Variants in RNF19A observed in about 807,000 individuals in gnomAD.
RNF19A encodes the protein ring finger protein 19A, RBR E3 ubiquitin protein ligase.
RNF19A carries 32 observed loss-of-function variants against 75.7 expected under a neutral mutation model. The ratio of observed to expected loss-of-function variants is 0.42; its 90% CI spans 0.32 to 0.57. The LOEUF is 0.57. Ranked by LOEUF, RNF19A falls within the 20% of genes least tolerant of loss-of-function variation. The probability of loss-of-function intolerance (pLI) is 0.10; values close to 1 mark genes in which losing one functional copy is unlikely to be tolerated. For missense variants in RNF19A, 782 were observed against 1,036.3 expected (o/e 0.75, Z 3.37); for synonymous variants, 335 against 345.2 (o/e 0.97, Z 0.33).
At chr8:100,310,209 T>C, upstream of RNF19A, 2 of 985,154 alleles carry the variant, frequency 2.0e-6, no homozygotes, top group South Asian at 9.4e-5. Flanking sequence ...CGTCATGGCG[T>C]CACGCCCACC....
In RNF19A at chr8:100,333,004, T is replaced by C. The variant is rs1300787472; in HGVS notation, c.-243+3104A>G. Among the ~76,000 whole-genome samples the C allele has an allele frequency of 1.3e-5, 2 of 152,228 alleles. No homozygotes were observed. The highest frequency in any genetic ancestry group is 2.9e-5 in the Non-Finnish European group (2 of 68,030). ...TACATTTGCCAAGAACATGACAACT[T>C]TGACTCTTTTCTCTTTTTCACCCTC... On this transcript the variant is annotated intron_variant, in intron 1 of 3. Transcript: ENST00000519527. The surrounding 1 kb of genome is among the most constrained non-coding windows in gnomAD (Gnocchi z 4.7).
intron 1 of RNF19A, among the ~76,000 whole-genome samples, 189 bp downstream of exon 1, chr8:100,309,677 AG>A (rs1822220460): frequency 6.6e-6 from 1 of 152,092 alleles, no homozygotes; most frequent in African/African-American, 2.4e-5. Flanking sequence ...TGACCCCCTA[AG>A]CCGGCCACGG....
chr8:100,313,525 C>CG (rs1380199943), upstream of RNF19A, among the ~76,000 whole-genome samples: 12 of 37,366 alleles, frequency 3.2e-4, no homozygotes, highest in Non-Finnish European at 5.9e-4. Flanking sequence ...GGCCAGGGGA[C>CG]GGGGGGTGGT....
chr8:100,282,812 T>A (rs182259773), intron 2 of RNF19A, among the ~76,000 whole-genome samples: 160 of 152,294 alleles, frequency 1.1e-3, no homozygotes, highest in African/African-American at 3.2e-3. Flanking sequence ...TAAAAATACA[T>A]GTTATTTAGT....
intron 1 of RNF19A, among the ~76,000 whole-genome samples, chr8:100,298,210 A>C (rs1015072134): frequency 2.6e-5 from 4 of 151,934 alleles, no homozygotes; most frequent in African/African-American, 4.8e-5. Context: ...AAAAAAAAAA[A>C]AACACTTATT....
At chr8:100,280,796 A>G (rs1223666324) in intron 2 of RNF19A, among the ~76,000 whole-genome samples, 2 of 152,228 alleles carry the variant, frequency 1.3e-5, no homozygotes, top group Admixed American at 6.5e-5. Context: ...CCTGGCATTC[A>G]CACATTTTGA....
At chr8:100,300,822 AAC>A (rs1361202435) in intron 1 of RNF19A, among the ~76,000 whole-genome samples, 9 of 152,352 alleles carry the variant, frequency 5.9e-5, no homozygotes, top group African/African-American at 2.2e-4. Context: ...GCCATCAAAA[AAC>A]AGAGTGAGTC....
intron 5 of RNF19A, among the ~76,000 whole-genome samples, chr8:100,266,465 A>AC (rs1402535345): frequency 1.5e-4 from 23 of 152,322 alleles, no homozygotes; most frequent in African/African-American, 5.5e-4. Flanking sequence ...GCTTTGAATA[A>AC]CTACATGAAA....
At chr8:100,298,569 G>A (rs1821678984) in intron 1 of RNF19A, among the ~76,000 whole-genome samples, 1 of 152,080 alleles carries the variant, frequency 6.6e-6, no homozygotes, top group Admixed American at 6.5e-5. Flanking sequence ...TAATCTCTCA[G>A]AAACAGAAAC....
At chr8:100,305,262 G>A (rs533719912) in intron 1 of RNF19A, among the ~76,000 whole-genome samples, 2 of 152,298 alleles carry the variant, frequency 1.3e-5, no homozygotes, top group Non-Finnish European at 2.9e-5. Flanking sequence ...GTGCGGAGAT[G>A]TAAAACTGAG....
At chr8:100,307,680 T>A (rs1822116448) in intron 1 of RNF19A, among the ~76,000 whole-genome samples, 1 of 152,120 alleles carries the variant, frequency 6.6e-6, no homozygotes. Flanking sequence ...TAACAAATAG[T>A]ATCCTTCAAT....
In RNF19A at chr8:100,329,899, C is replaced by T. The variant is rs991121071; in HGVS notation, c.-243+6209G>A. On this transcript the variant is annotated intron_variant, in intron 1 of 3. Transcript: ENST00000519527. The surrounding 1 kb of genome is among the most constrained non-coding windows in gnomAD (Gnocchi z 4.3). ...TAAATATTTTCTCATGTATCCCATACATTTGCACAAATGAAAAATTTAAAT... is the reference window on the plus strand; with the variant it reads ...TAAATATTTTCTCATGTATCCCATATATTTGCACAAATGAAAAATTTAAAT... 6.6e-6 allele frequency among the ~76,000 whole-genome samples: 1 copy of T among 152,202 alleles called. No homozygotes were observed. The highest frequency in any genetic ancestry group is 2.4e-5 in the African/African-American group (1 of 41,438).
chr8:100,270,036 T>G, intron 3 of RNF19A, 23 bp from the exon 4 acceptor site: 1 of 1,533,498 alleles, frequency 6.5e-7, no homozygotes, highest in Non-Finnish European at 8.8e-7. Context: ...CAGAGAAATC[T>G]ATTAAGTACA....
chr8:100,320,351 A>G (rs1264425770), intron 1 of RNF19A, among the ~76,000 whole-genome samples: 1 of 152,222 alleles, frequency 6.6e-6, no homozygotes, highest in East Asian at 1.9e-4. Flanking sequence ...ATGGAAATTT[A>G]GTTTATTCAT....
At chr8:100,278,443 A>G (rs1820626311) in intron 2 of RNF19A, among the ~76,000 whole-genome samples, 1 of 152,242 alleles carries the variant, frequency 6.6e-6, no homozygotes, top group South Asian at 2.1e-4. Context: ...TCACTTAAGT[A>G]TAAATGTCCA....
At chr8:100,302,742 G>A (rs1821891813) in intron 1 of RNF19A, among the ~76,000 whole-genome samples, 1 of 152,144 alleles carries the variant, frequency 6.6e-6, no homozygotes, top group South Asian at 2.1e-4. Flanking sequence ...GTGGAAGGGG[G>A]ATCATGGAGG....
intron 1 of RNF19A, among the ~76,000 whole-genome samples, chr8:100,315,694 C>T (rs76435421): frequency 0.021 from 3,264 of 152,172 alleles, 122 homozygotes; most frequent in African/African-American, 0.074. Context: ...CTCTGTTGTC[C>T]AGGTGGGAGT....
rs1222763460 is a variant in RNF19A, at chr8:100,332,353, T to C, written c.-243+3755A>G. Among the ~76,000 whole-genome samples, 2 of 152,228 alleles carry C rather than the reference T, an allele frequency of 1.3e-5. No individual in the cohort carries two copies. The highest frequency in any genetic ancestry group is 2.9e-5 in the Non-Finnish European group (2 of 68,028). ...ACGTGATCTGATGGTTTTATAAGTG[T>C]CTGGCATTTCCCTTGTTTGCACTTC... is the stretch of plus-strand genomic sequence containing the variant. On this transcript the variant is annotated intron_variant, in intron 1 of 3. Coordinates refer to the RNF19A transcript ENST00000519527. This position sits in a 1 kb window ranked among gnomAD's most constrained non-coding sequence, Gnocchi z 4.8.
chr8:100,309,346 T>C lies in RNF19A; in HGVS notation c.-94+521A>G, dbSNP rs942664606. On this transcript the variant is annotated intron_variant, in intron 1 of 9. Transcript: ENST00000341084. ...CCCTAAGGCCCCAGGCAGCACGGCT[T>C]GCGGGGCGATGTCCCGGCTCCAAAT... 21 of 985,632 alleles carry C rather than the reference T, an allele frequency of 2.1e-5. No homozygotes were observed. In the African/African-American group the frequency reaches 2.8e-4, roughly 13 times the overall value. 61.1% of individuals were successfully genotyped at this position (985,632 alleles called of 1,614,324 possible).
Sources: allele counts gnomAD v4.1 joint callset (sites outside exome capture counted in the v4.1 genomes callset), GRCh38; gene constraint gnomAD v4.1.1; non-coding constraint Gnocchi (gnomAD v3.1); transcripts MANE v1.5; gene names NCBI Gene and HGNC (gene_info 2026-07-23, HGNC 2026-07-21).